Variants in ITFG1 observed in about 807,000 individuals in gnomAD.
The protein encoded by ITFG1 is integrin alpha FG-GAP repeat containing 1.
A neutral mutation model predicts 81.8 loss-of-function variants in ITFG1; 34 were observed. The observed-to-expected ratio is 0.42, with a 90% CI of 0.32 to 0.55. ITFG1 has a LOEUF of 0.55. Among genes scored for constraint, ITFG1 ranks in the 20% least tolerant of loss-of-function variants. ITFG1 has a pLI of 0.17. For missense variants in ITFG1, 672 were observed against 755.4 expected, an observed-to-expected ratio of 0.89 and a Z score of 1.29; for synonymous variants, 285 against 270.6, an observed-to-expected ratio of 1.05 and a Z score of -0.52.
chr16:47,241,267 T>C (rs1022723840), intron 12 of ITFG1, among the ~76,000 whole-genome samples: 1 of 152,194 alleles, frequency 6.6e-6, no homozygotes, highest in Non-Finnish European at 1.5e-5. Context: ...CATAAAGTTC[T>C]CCTTTGACCC....
chr16:47,299,933 CAT>C (rs1357684291), intron 10 of ITFG1: 1 of 152,254 alleles, frequency 6.6e-6, no homozygotes, highest in Non-Finnish European at 1.5e-5. Flanking sequence ...TGGGACTGTG[CAT>C]AGTCTGCTAA....
chr16:47,406,067 A>ATGGG, intron 6 of ITFG1, among the ~76,000 whole-genome samples: 1 of 152,254 alleles, frequency 6.6e-6, no homozygotes, highest in African/African-American at 2.4e-5. Flanking sequence ...TCCTTATCAG[A>ATGGG]GAACATAATG....
intron 10 of ITFG1, among the ~76,000 whole-genome samples, chr16:47,307,669 G>T (rs914631049): frequency 2.6e-5 from 4 of 152,240 alleles, no homozygotes; most frequent in African/African-American, 9.6e-5. Flanking sequence ...TAGATTCACA[G>T]GGTATATGTG....
intron 14 of ITFG1, among the ~76,000 whole-genome samples, chr16:47,187,166 T>C (rs1241265846): frequency 6.6e-6 from 1 of 152,238 alleles, no homozygotes; most frequent in Non-Finnish European, 1.5e-5. Context: ...GAATAAATAT[T>C]GTGAAAATGG....
chr16:47,425,587 TCC>T (rs1198853551), intron 6 of ITFG1, among the ~76,000 whole-genome samples: 2 of 141,586 alleles, frequency 1.4e-5, no homozygotes, highest in Non-Finnish European at 3.0e-5. Flanking sequence ...GAAGTGACGC[TCC>T]TTTTTTTTTT....
At chr16:47,156,033 A>G (rs1964698799) in intron 17 of ITFG1, among the ~76,000 whole-genome samples, 2 of 152,218 alleles carry the variant, frequency 1.3e-5, no homozygotes, top group Admixed American at 1.3e-4. Flanking sequence ...TTAAATACTT[A>G]GCTTCTTATC....
intron 14 of ITFG1, among the ~76,000 whole-genome samples, chr16:47,184,096 T>C (rs1052947315): frequency 3.3e-5 from 5 of 151,972 alleles, no homozygotes; most frequent in African/African-American, 1.2e-4. Flanking sequence ...TAAAAAGAAA[T>C]GAGCAAAGCC....
At chr16:47,426,950 C>A (rs1673305937) in intron 6 of ITFG1, among the ~76,000 whole-genome samples, 1 of 152,136 alleles carries the variant, frequency 6.6e-6, no homozygotes, top group African/African-American at 2.4e-5. Flanking sequence ...TAAAATCAGA[C>A]TGTTAAGTGT....
In ITFG1 at chr16:47,320,338, T is replaced by A. The variant is rs560702721; in HGVS notation, c.803-6515A>T. Reference sequence around the variant, plus strand: ...AATATTTTGCTTTATGGCTTCCATGTTTTGCTTATATTTTATAAAGGCATT... The same window carrying A: ...AATATTTTGCTTTATGGCTTCCATGATTTGCTTATATTTTATAAAGGCATT... On this transcript the variant is annotated intron_variant, in intron 8 of 17. Transcript: ENST00000320640. 8.3e-4 allele frequency among the ~76,000 whole-genome samples: 126 copies of A among 152,348 alleles called. 1 individual carries two copies. Among genetic ancestry groups the A allele is most frequent in the African/African-American group, 2.9e-3 (120 of 41,592 alleles).
At chr16:47,186,213 G>C (rs1363157549) in intron 14 of ITFG1, among the ~76,000 whole-genome samples, 4 of 152,204 alleles carry the variant, frequency 2.6e-5, no homozygotes, top group East Asian at 1.9e-4. Context: ...CCTTCTGAAA[G>C]TATTCCAATC....
At chr16:47,437,737 G>A (rs906795073) in intron 5 of ITFG1, among the ~76,000 whole-genome samples, 1 of 152,198 alleles carries the variant, frequency 6.6e-6, no homozygotes, top group Non-Finnish European at 1.5e-5. Context: ...TGGCCAAATA[G>A]GAACGGCTCC....
chr16:47,432,860 T>C (rs896988322), intron 5 of ITFG1, among the ~76,000 whole-genome samples: 2 of 152,224 alleles, frequency 1.3e-5, no homozygotes, highest in Non-Finnish European at 2.9e-5. Flanking sequence ...TTAAAGTATT[T>C]TAAATTACTA....
chr16:47,315,428 C>T (rs1236100221), intron 8 of ITFG1, among the ~76,000 whole-genome samples: 3 of 152,112 alleles, frequency 2.0e-5, no homozygotes, highest in African/African-American at 7.2e-5. Flanking sequence ...AACCATTCTA[C>T]TGTAAATTAA....
chr16:47,237,838 A>C, intron 13 of ITFG1, 127 bp downstream of exon 13: 2 of 572,446 alleles, frequency 3.5e-6, no homozygotes, highest in Non-Finnish European at 6.2e-6. Flanking sequence ...TTCTTGAGTA[A>C]TGAAGGATTC....
intron 8 of ITFG1, among the ~76,000 whole-genome samples, chr16:47,335,063 AC>A (rs765858546): frequency 1.0e-3 from 155 of 152,274 alleles, no homozygotes; most frequent in Non-Finnish European, 1.9e-3. Flanking sequence ...CTTTTATAAA[AC>A]CCATTAAGAT....
intron 8 of ITFG1, among the ~76,000 whole-genome samples, chr16:47,315,947 T>C (rs145530038): frequency 3.7e-4 from 57 of 152,134 alleles, no homozygotes; most frequent in East Asian, 3.3e-3. Flanking sequence ...TCTGCCACCA[T>C]GCCAGGCTAA....
At chr16:47,270,755 C>T (rs1453333794) in intron 10 of ITFG1, among the ~76,000 whole-genome samples, 4 of 152,128 alleles carry the variant, frequency 2.6e-5, no homozygotes, top group African/African-American at 9.7e-5. Flanking sequence ...ACATGTAAAA[C>T]CATGGATAAA....
intron 7 of ITFG1, 142 bp from the exon 8 acceptor site, chr16:47,366,011 T>C: frequency 1.9e-6 from 1 of 536,328 alleles, no homozygotes; most frequent in Admixed American, 3.2e-5. Context: ...CAATCTCCTG[T>C]TTCACTTTTA....
intron 8 of ITFG1, among the ~76,000 whole-genome samples, chr16:47,346,005 C>G (rs752011628): frequency 3.9e-5 from 6 of 152,198 alleles, no homozygotes; most frequent in Non-Finnish European, 8.8e-5. Context: ...TTGAACTTCA[C>G]TTAGAACAAA....
Sources: gnomAD v4.1 joint callset for allele counts (sites outside exome capture counted in the v4.1 genomes callset) on GRCh38, gnomAD v4.1.1 for gene constraint, MANE v1.5 for transcripts, NCBI Gene and HGNC (gene_info 2026-07-23, HGNC 2026-07-21) for gene names.